The following SLC7A4 variants were observed in gnomAD, a reference collection of about 807,000 sequenced individuals.
SLC7A4 encodes cationic amino acid transporter 4.
In SLC7A4, 30 loss-of-function variants were observed where a neutral mutation model predicts 37.8. The observed-to-expected ratio is 0.79, with a 90% CI of 0.59 to 1.08. The LOEUF is 1.08. Among genes scored for constraint, SLC7A4 ranks in the 50% least tolerant of loss-of-function variants. SLC7A4 has a pLI of 0.00. For synonymous variants in SLC7A4, 359 were observed against 376.5 expected, an observed-to-expected ratio of 0.95 and a Z score of 0.54; for missense variants, 839 against 843.2, an observed-to-expected ratio of 1.00 and a Z score of 0.06.
Position 21,032,513 on chromosome 22 carries a change from G to A in SLC7A4, c.-41+18C>T, listed in dbSNP as rs1928924946. The A allele has an allele frequency of 6.6e-6, 1 of 151,688 alleles. No individual in the cohort carries two copies. Among genetic ancestry groups the A allele is most frequent in the Non-Finnish European group, 1.4e-5 (1 of 69,244 alleles). The allele number at this position is 151,688 out of a possible 1,614,324, so 9.4% of individuals were successfully genotyped here. Reference sequence around the variant, plus strand: ...GCCCGTCCCAGTCCCCGTCCCCGCAGGATCTGCTGCAACCCACCTGCTGCT... The same window carrying A: ...GCCCGTCCCAGTCCCCGTCCCCGCAAGATCTGCTGCAACCCACCTGCTGCT... On this transcript the variant is annotated intron_variant, in intron 1 of 4. Transcript: ENST00000382932.
Position 21,030,212 on chromosome 22 carries a change from G to A in SLC7A4, c.1122C>T (p.Phe374=), listed in dbSNP as rs753625079. The A allele has an allele frequency of 1.3e-5, 21 of 1,613,434 alleles. No homozygotes were observed. Among genetic ancestry groups the A allele is most frequent in the African/African-American group, 6.7e-5 (5 of 74,930 alleles). The stretch of plus-strand genomic sequence containing the variant: ...GTGCCAGGAAGGCCGTGAGGAGCCC[G>A]AACGCCAGGGTGCCCGCCACAGGCA... ...TQVPVAGTLA[F]GLLTAFLALL... Residue 374 remains phenylalanine (F), a synonymous_variant, in exon 3 of 5, where the codon TTC becomes TTT. Transcript: ENST00000382932.
Position 21,029,829 on chromosome 22 carries a change from G to A in SLC7A4, c.1505C>T (p.Thr502Ile), listed in dbSNP as rs1171455423. The A allele has an allele frequency of 6.2e-7, 1 of 1,613,588 alleles. No homozygotes were observed. The highest frequency in any genetic ancestry group is 8.5e-7 in the Non-Finnish European group (1 of 1,179,996). ...IGCVLVFGNSTLHLPHWGYIL... is the reference protein window; with the variant it reads ...IGCVLVFGNSILHLPHWGYIL... Reference sequence around the variant, plus strand: ...GTAACCCCAGTGTGGGAGGTGCAGGGTCGAGTTCCCAAAGACAAGCACGCA... The same window carrying A: ...GTAACCCCAGTGTGGGAGGTGCAGGATCGAGTTCCCAAAGACAAGCACGCA... Residue 502 changes from threonine to isoleucine, a missense_variant, in exon 3 of 5, where the codon ACC becomes ATC. Coordinates refer to ENST00000382932, the MANE Select transcript of SLC7A4 (RefSeq NM_004173.3).
At position 21,029,924 on chromosome 22, in the gene SLC7A4, A is replaced by G; in HGVS notation, c.1410T>C (p.Asp470=). 6.2e-7 allele frequency: 1 copy of G among 1,613,832 alleles called. No homozygotes were observed. Among genetic ancestry groups the G allele is most frequent in the Non-Finnish European group, 8.5e-7 (1 of 1,179,984 alleles). ...TCACCACTGCTCCAGGGCTGTACCC[A>G]TCCAAGAAGCCCAGGTAGGGCCTCA... The part of the protein sequence containing the change: ...PALRPYLGFL[D]GYSPGAVVTW... The change falls in exon 3 of 5, where the codon GAT becomes GAC. Residue 470 remains aspartate (D), a synonymous_variant. Coordinates refer to ENST00000382932, the MANE Select transcript of SLC7A4 (RefSeq NM_004173.3).
At position 21,029,874 on chromosome 22, in the gene SLC7A4, G is replaced by T. The variant is rs1241250001; in HGVS notation, c.1460C>A (p.Ala487Asp). The change falls in exon 3 of 5, where the codon GCC becomes GAC. Residue 487 changes from alanine (A) to aspartate (D), a missense_variant. Physicochemically the swap from Ala to Asp is moderately radical, Grantham distance 126. Coordinates refer to ENST00000382932, the MANE Select transcript of SLC7A4 (RefSeq NM_004173.3). ...CACGCAGCCTATGGTGATGGCTGAG[G>T]CCAACATAACGCCAAGCGCCCAAGT... ...VVTWALGVML[A>D]SAITIGCVLV... The T allele has an allele frequency of 6.2e-7, 1 of 1,613,702 alleles. No homozygotes were observed. Among genetic ancestry groups the T allele is most frequent in the Non-Finnish European group, 8.5e-7 (1 of 1,180,006 alleles).
Position 21,030,830 on chromosome 22 carries a change from C to G in SLC7A4, c.982+1G>C, listed in dbSNP as rs1328250789. The G allele has an allele frequency of 1.3e-6, 2 of 1,574,346 alleles. No homozygotes were observed. The highest frequency in any genetic ancestry group is 8.6e-7 in the Non-Finnish European group (1 of 1,160,492). Reference sequence around the variant, plus strand: ...CACCCTGCCCAGGAAGAGTCTCTCACCGCAGATGGAGCCAGCTGCCACGAT... The same window carrying G: ...CACCCTGCCCAGGAAGAGTCTCTCAGCGCAGATGGAGCCAGCTGCCACGAT... On this transcript the variant is annotated splice_donor_variant, in intron 2 of 4. Transcript: ENST00000382932. LOFTEE classifies it high-confidence loss of function.
At chr22:21,031,956 G>T in intron 1 of SLC7A4, 104 bp from the exon 2 acceptor site, 1 of 772,264 alleles carries the variant, frequency 1.3e-6, no homozygotes, top group South Asian at 5.6e-5. Flanking sequence ...TCCCTGACCT[G>T]GGGACCTGGA....
Position 21,029,388 on chromosome 22 carries a change from C to T in SLC7A4, c.1680G>A (p.Met560Ile). The part of the protein sequence containing the change: ...ALSIVLNICL[M>I]LKLSYLTWVR... ...CCCAGGTCAGATAGCTAAGTTTCAG[C>T]ATGAGGCAGATGTTGAGGACGATGC... The change falls in exon 4 of 5, where the codon ATG (methionine) becomes ATA (isoleucine). Residue 560 changes from methionine to isoleucine, a missense_variant. Coordinates refer to ENST00000382932, the MANE Select transcript of SLC7A4 (RefSeq NM_004173.3). The T allele has an allele frequency of 2.5e-6, 4 of 1,613,824 alleles. No homozygotes were observed. Among genetic ancestry groups the T allele is most frequent in the South Asian group, 1.1e-5 (1 of 91,080 alleles).
Position 21,030,008 on chromosome 22 carries a change from T to C in SLC7A4, c.1326A>G (p.Leu442=). ...AGGCGTGTACAGTGCCCACCAGCTGTAGGTGGTCTGAGAAGGAGCTCTGCT... is the reference window on the plus strand; with the variant it reads ...AGGCGTGTACAGTGCCCACCAGCTGCAGGTGGTCTGAGAAGGAGCTCTGCT... ...TKQQSSFSDH[L]QLVGTVHASV... is the part of the protein sequence containing the mutation. Residue 442 remains leucine (L), a synonymous_variant, in exon 3 of 5, where the codon CTA becomes CTG. Transcript: ENST00000382932. The C allele has an allele frequency of 1.2e-6, 2 of 1,613,602 alleles. No homozygotes were observed. Among genetic ancestry groups the C allele is most frequent in the Non-Finnish European group, 1.7e-6 (2 of 1,179,900 alleles).
rs1211587445 is a variant in SLC7A4, at chr22:21,029,213, C to G, written c.1750G>C (p.Gly584Arg). ...TCCTTGCTATGCCGGATGCCATAGC[C>G]GAAATACACTGCAAGTCCTAGACAG... is the stretch of plus-strand genomic sequence containing the variant. Reference protein sequence around the residue: ...WLLMGLAVYFGYGIRHSKENQ... With the variant: ...WLLMGLAVYFRYGIRHSKENQ... Residue 584 changes from glycine (G) to arginine (R), a missense_variant, in exon 5 of 5, where the codon GGC becomes CGC. Gly to Arg is a moderately radical substitution (Grantham distance 125). Transcript: ENST00000382932. 1 of 1,613,784 alleles carries G rather than the reference C, an allele frequency of 6.2e-7. No homozygotes were observed. Among genetic ancestry groups the G allele is most frequent in the Non-Finnish European group, 8.5e-7 (1 of 1,179,946 alleles).
In SLC7A4 at chr22:21,028,991, C is replaced by T; in HGVS notation, c.*64G>A. The T allele has an allele frequency of 1.3e-6, 2 of 1,507,380 alleles. No homozygotes were observed. The highest frequency in any genetic ancestry group is 2.3e-5 in the East Asian group (1 of 42,602). The allele number at this position is 1,507,380 out of a possible 1,614,324, so 93.4% of individuals were successfully genotyped here. A position where few individuals can be genotyped will look rare whatever the true frequency, so the allele number is the denominator to read the frequency against. ...TGCCCACAACAGAAGGGGCTCTCGG[C>T]TTGTCTGGCCTCTCTGGCCTCCCAA... On this transcript the variant is annotated 3_prime_UTR_variant, in exon 5 of 5. Transcript: ENST00000382932.
chr22:21,028,929 AG>A lies in SLC7A4; in HGVS notation c.*125del. 1 of 984,232 alleles carries A rather than the reference AG, an allele frequency of 1.0e-6. No homozygotes were observed. The highest frequency in any genetic ancestry group is 1.7e-5 in the South Asian group (1 of 58,186). 61.0% of individuals were successfully genotyped at this position (984,232 alleles called of 1,614,324 possible). On this transcript the variant is annotated 3_prime_UTR_variant, in exon 5 of 5. Transcript: ENST00000382932. ...CCTGGATGAAGGTCCTAAGGTCCTG[AG>A]GACTCCCCAGCCTGTGCAGGCCTGC...
At position 21,029,933 on chromosome 22, in the gene SLC7A4, G is replaced by A. The variant is rs1928825668; in HGVS notation, c.1401C>T (p.Gly467=). ...ELKPALRPYL[G]FLDGYSPGAV... ...CTCCAGGGCTGTACCCATCCAAGAA[G>A]CCCAGGTAGGGCCTCAGGGCTGGCT... The change falls in exon 3 of 5, where the codon GGC becomes GGT. Residue 467 remains glycine, a synonymous_variant. Transcript: ENST00000382932. 5.6e-6 allele frequency: 9 copies of A among 1,613,910 alleles called. No homozygotes were observed. The highest frequency in any genetic ancestry group is 7.6e-6 in the Non-Finnish European group (9 of 1,180,006).
chr22:21,031,017 G>T lies in SLC7A4; in HGVS notation c.796C>A (p.Arg266=). The T allele has an allele frequency of 3.7e-6, 6 of 1,614,086 alleles. No homozygotes were observed. Among genetic ancestry groups the T allele is most frequent in the Non-Finnish European group, 5.1e-6 (6 of 1,179,984 alleles). ...ATGGCGATGGCCAGAGGCACAGACC[G>T]CCGTGGGTTCTGGGCCTCCTCACTG... ...ASSEEAQNPR[R]SVPLAIAISL... is the part of the protein sequence containing the mutation. The change falls in exon 2 of 5, where the codon CGG becomes AGG. Residue 266 remains arginine (R), a synonymous_variant. Transcript: ENST00000382932.
rs1217757540 is a variant in SLC7A4 at position 21,030,366 on chromosome 22, G to A, written c.983-15C>T. 1.3e-6 allele frequency: 2 copies of A among 1,585,296 alleles called. No individual in the cohort carries two copies. The highest frequency in any genetic ancestry group is 1.7e-6 in the Non-Finnish European group (2 of 1,162,840). On this transcript the variant is annotated splice_polypyrimidine_tract_variant and intron_variant, in intron 2 of 4. Transcript: ENST00000382932. Reference sequence around the variant, plus strand: ...GGTGTTCATGGCTGTAGCAGAGAGAGTGGGGAGGGTCAGCATGGCGGAGAA... The same window carrying A: ...GGTGTTCATGGCTGTAGCAGAGAGAATGGGGAGGGTCAGCATGGCGGAGAA...
rs769888518 is a variant in SLC7A4 at position 21,031,275 on chromosome 22, C to T, written c.538G>A (p.Ala180Thr). ...DFLAAGIILL[A>T]SAFVSCGARV... Reference sequence around the variant, plus strand: ...GCTCCACAGGAGACAAAGGCAGAGGCCAGGAGGATGATGCCAGCAGCCAGG... The same window carrying T: ...GCTCCACAGGAGACAAAGGCAGAGGTCAGGAGGATGATGCCAGCAGCCAGG... Residue 180 changes from alanine (A) to threonine (T), a missense_variant, in exon 2 of 5, where the codon GCC (alanine) becomes ACC (threonine). Coordinates refer to ENST00000382932, the MANE Select transcript of SLC7A4 (RefSeq NM_004173.3). 2 of 1,611,644 alleles carry T rather than the reference C, an allele frequency of 1.2e-6. No individual in the cohort carries two copies. Among genetic ancestry groups the T allele is most frequent in the Non-Finnish European group, 1.7e-6 (2 of 1,178,840 alleles).
At position 21,030,005 on chromosome 22, in the gene SLC7A4, C is replaced by A; in HGVS notation, c.1329G>T (p.Gln443His). The A allele has an allele frequency of 6.2e-7, 1 of 1,613,782 alleles. No homozygotes were observed. The highest frequency in any genetic ancestry group is 1.1e-5 in the South Asian group (1 of 91,046). The change falls in exon 3 of 5, where the codon CAG (glutamine) becomes CAT (histidine). Residue 443 changes from glutamine (Q) to histidine (H), a missense_variant. By Grantham distance (24) the Gln-to-His change is conservative (BLOSUM62 0). Transcript: ENST00000382932. ...KQQSSFSDHL[Q>H]LVGTVHASVP... is the part of the protein sequence containing the mutation. ...CGGAGGCGTGTACAGTGCCCACCAG[C>A]TGTAGGTGGTCTGAGAAGGAGCTCT...
At position 21,030,269 on chromosome 22, in the gene SLC7A4, C is replaced by T; in HGVS notation, c.1065G>A (p.Gln355=). 6.2e-7 allele frequency: 1 copy of T among 1,613,826 alleles called. No individual in the cohort carries two copies. Among genetic ancestry groups the T allele is most frequent in the Non-Finnish European group, 8.5e-7 (1 of 1,180,012 alleles). ...YAMAADGLFF[Q]VFAHVHPRTQ... ...TCCGGGGGTGCACATGGGCAAACACCTGGAAGAAGAGCCCATCGGCGGCCA... is the reference window on the plus strand; with the variant it reads ...TCCGGGGGTGCACATGGGCAAACACTTGGAAGAAGAGCCCATCGGCGGCCA... Residue 355 remains glutamine, a synonymous_variant, in exon 3 of 5, where the codon CAG becomes CAA. Transcript: ENST00000382932.
chr22:21,030,626 G>T (rs1928853262), intron 2 of SLC7A4, among the ~76,000 whole-genome samples: 1 of 152,168 alleles, frequency 6.6e-6, no homozygotes, highest in African/African-American at 2.4e-5. Flanking sequence ...GAACTAATAT[G>T]CTATGGACCA....
Position 21,028,744 on chromosome 22 carries a change from A to G in SLC7A4, c.*311T>C. 1 of 295,838 alleles carries G rather than the reference A, an allele frequency of 3.4e-6. No individual in the cohort carries two copies. Among genetic ancestry groups the G allele is most frequent in the African/African-American group, 2.2e-5 (1 of 46,434 alleles). 18.3% of individuals were successfully genotyped at this position (295,838 alleles called of 1,614,324 possible). A position where few individuals can be genotyped will look rare whatever the true frequency, so the allele number is the denominator to read the frequency against. ...ACGCCAGCAGGCCACATGGCTGGCC[A>G]AGCAATTATTATTATGGATCCCTTG... On this transcript the variant is annotated 3_prime_UTR_variant, in exon 5 of 5. Transcript: ENST00000382932.
Sources: allele counts gnomAD v4.1 joint callset (sites outside exome capture counted in the v4.1 genomes callset), GRCh38; gene constraint gnomAD v4.1.1; transcripts MANE v1.5; gene names NCBI Gene and HGNC (gene_info 2026-07-23, HGNC 2026-07-21).